The following CHRM3 variants were observed in gnomAD, a reference collection of about 807,000 sequenced individuals.
The protein encoded by CHRM3 is muscarinic acetylcholine receptor M3.
A neutral mutation model predicts 41.8 loss-of-function variants in CHRM3; 11 were observed. That is an observed-to-expected ratio of 0.26 (90% confidence interval 0.17 to 0.44). CHRM3 has a LOEUF of 0.44. Among genes scored for constraint, CHRM3 ranks in the 20% least tolerant of loss-of-function variants. CHRM3 has a pLI of 1.00. For missense variants in CHRM3, 571 were observed against 745.4 expected, an observed-to-expected ratio of 0.77 and a Z score of 2.72; for synonymous variants, 297 against 301.4, an observed-to-expected ratio of 0.99 and a Z score of 0.15.
intron 5 of CHRM3, among the ~76,000 whole-genome samples, chr1:239,799,212 C>G (rs1439114249): frequency 6.6e-6 from 1 of 152,138 alleles, no homozygotes; most frequent in Admixed American, 6.5e-5. Flanking sequence ...GGACCGGGAA[C>G]TTAACAGGTC....
intron 2 of CHRM3, among the ~76,000 whole-genome samples, chr1:239,513,828 A>G (rs944370123): frequency 1.3e-5 from 2 of 151,204 alleles, no homozygotes; most frequent in African/African-American, 4.9e-5. Flanking sequence ...CTGTGTCTAG[A>G]TTTTTTTTTC....
At chr1:239,901,838 A>C (rs1411660790) in intron 6 of CHRM3, among the ~76,000 whole-genome samples, 3 of 152,196 alleles carry the variant, frequency 2.0e-5, no homozygotes, top group South Asian at 2.1e-4. Flanking sequence ...CCTTGTGTAC[A>C]TACGAATGCA....
At chr1:239,599,988 A>T (rs998161725) in intron 3 of CHRM3, among the ~76,000 whole-genome samples, 5 of 152,164 alleles carry the variant, frequency 3.3e-5, no homozygotes, top group Non-Finnish European at 7.4e-5. Flanking sequence ...CATAAAATGC[A>T]CATGTAAGAA....
intron 3 of CHRM3, among the ~76,000 whole-genome samples, chr1:239,617,449 G>T (rs1222858166): frequency 1.3e-5 from 2 of 152,158 alleles, no homozygotes; most frequent in African/African-American, 4.8e-5. Context: ...TTTTGGCCAG[G>T]CGTGGGAGCT....
At chr1:239,695,501 C>G (rs1366329302) in intron 5 of CHRM3, among the ~76,000 whole-genome samples, 1 of 152,052 alleles carries the variant, frequency 6.6e-6, no homozygotes, top group African/African-American at 2.4e-5. Context: ...CACAAGAAAT[C>G]TGGGAGATCT....
intron 6 of CHRM3, among the ~76,000 whole-genome samples, chr1:239,835,749 A>C (rs974818086): frequency 1.3e-5 from 2 of 152,216 alleles, no homozygotes; most frequent in African/African-American, 4.8e-5. Context: ...TTCTCCGTGT[A>C]TGTGTGTGCA....
At chr1:239,401,101 C>T (rs1361161507) in intron 1 of CHRM3, among the ~76,000 whole-genome samples, 2 of 152,150 alleles carry the variant, frequency 1.3e-5, no homozygotes, top group Non-Finnish European at 2.9e-5. Context: ...GGGACTGAAA[C>T]ATTCCCACAG....
intron 1 of CHRM3, among the ~76,000 whole-genome samples, chr1:239,457,395 CCAGAAAAAAAACAGAT>C (rs1369037522): frequency 6.6e-6 from 1 of 151,982 alleles, no homozygotes; most frequent in Non-Finnish European, 1.5e-5. Flanking sequence ...AGTTTACACT[CCAGAAAAAAAACAGAT>C]TGTTATATAC....
At chr1:239,708,815 A>G (rs906061186) in intron 5 of CHRM3, among the ~76,000 whole-genome samples, 3 of 116,262 alleles carry the variant, frequency 2.6e-5, no homozygotes, top group Non-Finnish European at 4.9e-5. Context: ...TCCTTAGTGG[A>G]TGAAACAGAA....
At chr1:239,803,206 A>G (rs1032570746) in intron 5 of CHRM3, among the ~76,000 whole-genome samples, 3 of 152,158 alleles carry the variant, frequency 2.0e-5, no homozygotes, top group Non-Finnish European at 2.9e-5. Context: ...TCTCCTTTCT[A>G]GTTTGGAGTA....
chr1:239,848,539 A>T (rs1436582756), intron 6 of CHRM3, among the ~76,000 whole-genome samples: 1 of 152,076 alleles, frequency 6.6e-6, no homozygotes, highest in African/African-American at 2.4e-5. Context: ...CATTTATATC[A>T]CTTTATCCTC....
intron 4 of CHRM3, among the ~76,000 whole-genome samples, chr1:239,662,901 C>CTTCTTCTTCTTCTTCTTCTTCTTT (rs1337109963): frequency 7.1e-6 from 1 of 140,588 alleles, no homozygotes; most frequent in Non-Finnish European, 1.5e-5. Flanking sequence ...TCCTCTTCTT[C>CTTCTTCTTCTTCTTCTTCTTCTTT]TTCTTCTTCT....
chr1:239,820,104 C>T (rs183468992), intron 5 of CHRM3, among the ~76,000 whole-genome samples: 9 of 152,312 alleles, frequency 5.9e-5, no homozygotes, highest in African/African-American at 9.6e-5. Context: ...ACCACTTCCC[C>T]TTTACCCTCA....
At chr1:239,521,855 A>G (rs1669663803) in intron 2 of CHRM3, among the ~76,000 whole-genome samples, 1 of 152,204 alleles carries the variant, frequency 6.6e-6, no homozygotes, top group South Asian at 2.1e-4. Context: ...TGTACTAGAT[A>G]TTACAAGTAA....
chr1:239,682,990 A>G (rs1331434587), intron 5 of CHRM3, among the ~76,000 whole-genome samples: 3 of 152,140 alleles, frequency 2.0e-5, no homozygotes, highest in African/African-American at 7.2e-5. Flanking sequence ...CAGTAAGAAC[A>G]TTCAACATCC....
intron 5 of CHRM3, among the ~76,000 whole-genome samples, chr1:239,752,183 T>A (rs1322009125): frequency 9.2e-5 from 14 of 152,136 alleles, no homozygotes; most frequent in Admixed American, 9.2e-4. Flanking sequence ...TGTGGGGGAT[T>A]TGTGGTCAGA....
intron 2 of CHRM3, among the ~76,000 whole-genome samples, chr1:239,507,835 G>A (rs924081955): frequency 6.6e-5 from 10 of 152,158 alleles, no homozygotes; most frequent in Admixed American, 2.6e-4. Context: ...GGATGCCAGA[G>A]GGTATCCCTA....
chr1:239,729,214 AAAAT>A (rs1234390165), intron 5 of CHRM3, among the ~76,000 whole-genome samples: 2 of 151,896 alleles, frequency 1.3e-5, no homozygotes, highest in Non-Finnish European at 2.9e-5. Flanking sequence ...GGAGCAGTAA[AAAAT>A]AATAATAATT....
At chr1:239,888,705 C>T (rs1678283713) in intron 6 of CHRM3, among the ~76,000 whole-genome samples, 1 of 152,068 alleles carries the variant, frequency 6.6e-6, no homozygotes. Context: ...GGGGAGAAAC[C>T]AAGTAATATG....
Sources: gnomAD v4.1 joint callset for allele counts (sites outside exome capture counted in the v4.1 genomes callset) on GRCh38, gnomAD v4.1.1 for gene constraint, MANE v1.5 for transcripts, NCBI Gene and HGNC (gene_info 2026-07-23, HGNC 2026-07-21) for gene names.